Variants in GABRG3 observed in about 807,000 individuals in gnomAD.
GABRG3 encodes the protein gamma-aminobutyric acid receptor subunit gamma-3.
In GABRG3, 25 loss-of-function variants were observed where a neutral mutation model predicts 48.8. The ratio of observed to expected loss-of-function variants is 0.51; its 90% CI spans 0.37 to 0.72. GABRG3 has a LOEUF of 0.72. Among genes scored for constraint, GABRG3 ranks in the 30% least tolerant of loss-of-function variants. The probability of loss-of-function intolerance (pLI) is 0.00; values close to 1 mark genes in which losing one functional copy is unlikely to be tolerated. For missense variants in GABRG3, 394 were observed against 577.9 expected, an observed-to-expected ratio of 0.68 and a Z score of 3.26; for synonymous variants, 227 against 217.6, an observed-to-expected ratio of 1.04 and a Z score of -0.38.
chr15:27,302,674 C>T (rs1892253044), intron 3 of GABRG3, among the ~76,000 whole-genome samples: 1 of 152,018 alleles, frequency 6.6e-6, no homozygotes, highest in South Asian at 2.1e-4. Context: ...TACCTAAAAA[C>T]AGCAGAAGGC....
intron 5 of GABRG3, among the ~76,000 whole-genome samples, chr15:27,344,543 C>A (rs939566706): frequency 6.6e-6 from 1 of 151,966 alleles, no homozygotes; most frequent in Non-Finnish European, 1.5e-5. Context: ...TACTGAGAAC[C>A]TTTGTAAGGA....
chr15:27,045,005 C>T (rs1191888994), intron 3 of GABRG3, among the ~76,000 whole-genome samples: 1 of 152,184 alleles, frequency 6.6e-6, no homozygotes, highest in Non-Finnish European at 1.5e-5. Flanking sequence ...AGCAGTCTAA[C>T]AATCAATACT....
chr15:27,247,724 A>G (rs572951332), intron 3 of GABRG3, among the ~76,000 whole-genome samples: 1 of 152,204 alleles, frequency 6.6e-6, no homozygotes, highest in Non-Finnish European at 1.5e-5. Flanking sequence ...CCTCACAATC[A>G]TGGCAGAGGG....
chr15:27,398,180 T>C (rs1158289031), intron 5 of GABRG3, among the ~76,000 whole-genome samples: 1 of 152,202 alleles, frequency 6.6e-6, no homozygotes, highest in Non-Finnish European at 1.5e-5. Context: ...ATCACATATA[T>C]GTCAAAGTCA....
chr15:27,355,735 A>T (rs1463685505), intron 5 of GABRG3, among the ~76,000 whole-genome samples: 1 of 152,234 alleles, frequency 6.6e-6, no homozygotes, highest in African/African-American at 2.4e-5. Flanking sequence ...GTCTATCGCT[A>T]ATGAATGGGT....
intron 2 of GABRG3, among the ~76,000 whole-genome samples, chr15:27,020,713 G>A (rs935437857): frequency 1.3e-4 from 19 of 151,998 alleles, no homozygotes; most frequent in Non-Finnish European, 2.4e-4. Context: ...CACCGCGCCC[G>A]GCCTGTTGTT....
chr15:27,534,207 C>T lies in GABRG3; in HGVS notation c.*1326C>T, dbSNP rs1317889085. On this transcript the variant is annotated 3_prime_UTR_variant, in exon 10 of 10. Coordinates refer to ENST00000615808, the MANE Select transcript of GABRG3 (RefSeq NM_033223.5). ...AGTGAATATTAATTTTCAACTCAAA[C>T]CAACTTTAGATGCAAAAAAATGGGC... is the stretch of plus-strand genomic sequence containing the variant. 2 of 151,724 alleles carry T rather than the reference C, an allele frequency of 1.3e-5. No individual in the cohort carries two copies. The highest frequency in any genetic ancestry group is 2.9e-5 in the Non-Finnish European group (2 of 67,982). The allele number at this position is 151,724 out of a possible 1,614,324, so 9.4% of individuals were successfully genotyped here.
intron 3 of GABRG3, among the ~76,000 whole-genome samples, chr15:27,097,006 A>ATTTT (rs36057231): frequency 3.1e-4 from 41 of 131,718 alleles, no homozygotes; most frequent in African/African-American, 1.1e-3. Flanking sequence ...ATACCCGGCT[A>ATTTT]TTTTTTTTTT....
chr15:27,441,678 TG>T (rs1888789169), intron 5 of GABRG3, among the ~76,000 whole-genome samples: 1 of 152,060 alleles, frequency 6.6e-6, no homozygotes, highest in Non-Finnish European at 1.5e-5. Context: ...TCAGGGGGAT[TG>T]GGGGAGGCAG....
At chr15:27,378,902 T>C (rs1895681325) in intron 5 of GABRG3, among the ~76,000 whole-genome samples, 1 of 152,114 alleles carries the variant, frequency 6.6e-6, no homozygotes, top group African/African-American at 2.4e-5. Flanking sequence ...GAAGTGGGTC[T>C]TCTCTGAATG....
At chr15:27,275,566 T>C (rs1473489707) in intron 3 of GABRG3, among the ~76,000 whole-genome samples, 1 of 152,192 alleles carries the variant, frequency 6.6e-6, no homozygotes, top group African/African-American at 2.4e-5. Context: ...TGTCTCAGAC[T>C]GCATCAGCCA....
At chr15:27,509,246 T>C (rs1015260475) in intron 6 of GABRG3, among the ~76,000 whole-genome samples, 7 of 152,210 alleles carry the variant, frequency 4.6e-5, no homozygotes, top group Non-Finnish European at 1.0e-4. Context: ...GTATCTTTTT[T>C]TCCCTTGGCT....
intron 3 of GABRG3, among the ~76,000 whole-genome samples, chr15:27,196,365 C>A (rs1034468193): frequency 6.6e-6 from 1 of 152,166 alleles, no homozygotes; most frequent in Admixed American, 6.5e-5. Context: ...GGCCCCTGCC[C>A]GACTTGCTGT....
rs200660557 is a variant in GABRG3, at chr15:27,351,440, GTGTA to G, written c.574+22554_574+22557del. Among the ~76,000 whole-genome samples, 895 of 148,582 alleles carry G rather than the reference GTGTA, an allele frequency of 6.0e-3. 9 individuals are homozygous for G. Among genetic ancestry groups the G allele is most frequent in the African/African-American group, 0.021 (849 of 40,102 alleles). ...GTGTGTGTATGTGTGTATGGTGTGT[GTGTA>G]TATGGTGTGTGTGTTTGTGTGTGTA... On this transcript the variant is annotated intron_variant, in intron 5 of 9. Transcript: ENST00000615808.
chr15:27,150,566 G>A (rs925747409), intron 3 of GABRG3, among the ~76,000 whole-genome samples: 1 of 152,178 alleles, frequency 6.6e-6, no homozygotes, highest in African/African-American at 2.4e-5. Flanking sequence ...CTTCTCTAGA[G>A]CACTCACAAC....
At chr15:27,135,050 A>G (rs1897984438) in intron 3 of GABRG3, among the ~76,000 whole-genome samples, 1 of 152,232 alleles carries the variant, frequency 6.6e-6, no homozygotes, top group African/African-American at 2.4e-5. Context: ...TTTAGACACC[A>G]CACAAAGGGA....
chr15:27,229,140 G>A (rs1016461429), intron 3 of GABRG3, among the ~76,000 whole-genome samples: 3 of 152,048 alleles, frequency 2.0e-5, no homozygotes, highest in Non-Finnish European at 2.9e-5. Context: ...CTTTTTGCCC[G>A]TTCCTATGTC....
At chr15:27,415,241 T>C (rs1356696085) in intron 5 of GABRG3, among the ~76,000 whole-genome samples, 1 of 152,154 alleles carries the variant, frequency 6.6e-6, no homozygotes, top group African/African-American at 2.4e-5. Context: ...TTTTTTCTCT[T>C]TGCTTTGCAG....
chr15:27,467,611 T>C (rs1889654804), intron 5 of GABRG3, among the ~76,000 whole-genome samples: 1 of 152,260 alleles, frequency 6.6e-6, no homozygotes, highest in African/African-American at 2.4e-5. Flanking sequence ...TTTTTGAGCA[T>C]TAAAACAGCT....
Sources: allele counts gnomAD v4.1 joint callset (sites outside exome capture counted in the v4.1 genomes callset), GRCh38; gene constraint gnomAD v4.1.1; transcripts MANE v1.5; gene names NCBI Gene and HGNC (gene_info 2026-07-23, HGNC 2026-07-21).